Variants in ASS1 observed in about 807,000 individuals in gnomAD.
ASS1 encodes the protein argininosuccinate synthase 1.
Under a neutral mutation model 60.5 loss-of-function variants are expected in ASS1, and 58 were observed. The observed-to-expected ratio is 0.96, with a 90% confidence interval of 0.78 to 1.19. The LOEUF is 1.19. ASS1 is among the 50% of genes most tolerant of loss of function. The probability of loss-of-function intolerance (pLI) is 0.00; values close to 1 mark genes in which losing one functional copy is unlikely to be tolerated. For missense variants in ASS1, 454 were observed against 547.3 expected (o/e 0.83, Z 1.70); for synonymous variants, 200 against 206.9 (o/e 0.97, Z 0.29).
In ASS1 at chr9:130,480,341, CCT is replaced by C. The variant is rs771246442; in HGVS notation, c.774-43_774-42del. ...GCCCAGCTGGGTGGGTGACTCTGAG[CCT>C]TGCGGTAGCGCCCGAACCTAATGGA... On this transcript the variant is annotated intron_variant, in intron 10 of 14. Coordinates refer to ENST00000352480, the MANE Select transcript of ASS1 (RefSeq NM_054012.4). 113 of 1,612,090 alleles carry C rather than the reference CCT, an allele frequency of 7.0e-5. 2 individuals carry two copies. The South Asian group carries it at 1.2e-3, about 17-fold the overall frequency.
intron 13 of ASS1, among the ~76,000 whole-genome samples, chr9:130,496,471 G>A (rs1374339429): frequency 1.3e-5 from 2 of 151,320 alleles, no homozygotes; most frequent in Non-Finnish European, 2.9e-5. Flanking sequence ...TGCACCTGTA[G>A]TCCCAGCTAC....
chr9:130,500,541 C>T (rs989960253), intron 14 of ASS1, among the ~76,000 whole-genome samples: 9 of 152,108 alleles, frequency 5.9e-5, no homozygotes, highest in Non-Finnish European at 1.2e-4. Context: ...TCTCTTGTCC[C>T]TGGAGGCACC....
intron 6 of ASS1, among the ~76,000 whole-genome samples, chr9:130,469,824 G>T (rs929253048): frequency 3.9e-5 from 6 of 152,214 alleles, no homozygotes; most frequent in Admixed American, 6.5e-5. Flanking sequence ...CCTGAGTGGG[G>T]TCGATCCCAT....
At chr9:130,499,357 G>T in intron 13 of ASS1, 148 bp from the exon 14 acceptor site, 1 of 841,986 alleles carries the variant, frequency 1.2e-6, no homozygotes, top group East Asian at 2.7e-5. Context: ...GAAATTCAAT[G>T]GAAAGCCGAC....
At chr9:130,471,034 G>A (rs1845855535) in intron 7 of ASS1, 130 bp downstream of exon 7, 1 of 1,094,846 alleles carries the variant, frequency 9.1e-7, no homozygotes, top group Admixed American at 1.7e-5. Flanking sequence ...AGAGGCCTCA[G>A]GCAGGACAGA....
At chr9:130,480,543 A>C in intron 11 of ASS1, 94 bp downstream of exon 11, 15 of 1,377,416 alleles carry the variant, frequency 1.1e-5, no homozygotes, top group Non-Finnish European at 1.2e-5. Context: ...TACTACCCCC[A>C]TGCTCCGTGG....
At chr9:130,465,160 C>G (rs866294390) in intron 5 of ASS1, among the ~76,000 whole-genome samples, 1 of 151,602 alleles carries the variant, frequency 6.6e-6, no homozygotes, top group African/African-American at 2.4e-5. Context: ...GCAATTCTCC[C>G]TGACTCAGCT....
intron 12 of ASS1, among the ~76,000 whole-genome samples, chr9:130,492,393 G>A (rs1846470884): frequency 1.3e-5 from 2 of 152,122 alleles, no homozygotes. Context: ...GCACAGATAG[G>A]GAGACTGAGG....
chr9:130,469,209 T>A (rs902839547), intron 6 of ASS1, among the ~76,000 whole-genome samples: 3 of 152,224 alleles, frequency 2.0e-5, no homozygotes, highest in Admixed American at 2.0e-4. Context: ...AGTCTTGCCT[T>A]GCACAGGGTC....
chr9:130,463,083 CAG>C (rs1276928789), intron 4 of ASS1, among the ~76,000 whole-genome samples: 1 of 152,252 alleles, frequency 6.6e-6, no homozygotes, highest in African/African-American at 2.4e-5. Flanking sequence ...CCCAGCTCTG[CAG>C]AGAGGCTGAA....
chr9:130,500,672 C>A (rs934007903), intron 14 of ASS1, among the ~76,000 whole-genome samples: 1 of 152,108 alleles, frequency 6.6e-6, no homozygotes, highest in African/African-American at 2.4e-5. Flanking sequence ...TCTATAAACC[C>A]TTTTAAATGG....
At chr9:130,479,088 C>T (rs951237118) in intron 9 of ASS1, among the ~76,000 whole-genome samples, 1 of 152,144 alleles carries the variant, frequency 6.6e-6, no homozygotes, top group Non-Finnish European at 1.5e-5. Context: ...AAGTCAACCC[C>T]GAACCCACCC....
chr9:130,489,256 T>TTG lies in ASS1; in HGVS notation c.839-77_839-76insTG. The TTG allele has an allele frequency of 5.8e-6, 9 of 1,561,012 alleles. No homozygotes were observed. The highest frequency in any genetic ancestry group is 1.7e-5 in the Admixed American group (1 of 57,422). On this transcript the variant is annotated intron_variant, in intron 11 of 14. Coordinates refer to ENST00000352480, the MANE Select transcript of ASS1 (RefSeq NM_054012.4). The surrounding 1 kb of genome is among the most constrained non-coding windows in gnomAD (Gnocchi z 4.1). ...TCATTATTATTATTATTTTTTTTTT[T>TTG]GTCATTTGCTGACAGTTTGGGTTTC...
chr9:130,474,774 A>G (rs1167704279), intron 8 of ASS1, among the ~76,000 whole-genome samples: 1 of 152,232 alleles, frequency 6.6e-6, no homozygotes, highest in African/African-American at 2.4e-5. Context: ...GCAGCTGGGA[A>G]CCAGCATAAG....
chr9:130,489,607 A>G lies in ASS1; in HGVS notation c.970+143A>G. ...CTGCCATCCTCATGTGAGACCCCAAAAGGTGCAGGCCAAAGGGGGTTGAGG... is the reference window on the plus strand; with the variant it reads ...CTGCCATCCTCATGTGAGACCCCAAGAGGTGCAGGCCAAAGGGGGTTGAGG... On this transcript the variant is annotated intron_variant, in intron 12 of 14. Transcript: ENST00000352480. The surrounding 1 kb of genome is among the most constrained non-coding windows in gnomAD (Gnocchi z 4.1). The G allele has an allele frequency of 7.2e-7, 1 of 1,379,536 alleles. No homozygotes were observed. The highest frequency in any genetic ancestry group is 1.0e-6 in the Non-Finnish European group (1 of 981,110). 85.5% of individuals were successfully genotyped at this position (1,379,536 alleles called of 1,614,324 possible).
chr9:130,468,552 C>T (rs1487654309), intron 6 of ASS1, among the ~76,000 whole-genome samples: 1 of 152,208 alleles, frequency 6.6e-6, no homozygotes, highest in Non-Finnish European at 1.5e-5. Context: ...GCTGGAACTA[C>T]AAACGTGCCC....
At chr9:130,487,691 C>T (rs181577434) in intron 11 of ASS1, among the ~76,000 whole-genome samples, 1 of 152,006 alleles carries the variant, frequency 6.6e-6, no homozygotes, top group Non-Finnish European at 1.5e-5. Context: ...TGTTTTTGTG[C>T]CTGGCCTTTG....
chr9:130,461,849 G>T (rs551249337), intron 4 of ASS1, among the ~76,000 whole-genome samples: 1 of 152,302 alleles, frequency 6.6e-6, no homozygotes, highest in East Asian at 1.9e-4. Flanking sequence ...GCGCCATCAC[G>T]GGGGACGGGC....
chr9:130,500,857 T>G, intron 14 of ASS1, 119 bp from the exon 15 acceptor site: 1 of 1,083,238 alleles, frequency 9.2e-7, no homozygotes, highest in Non-Finnish European at 1.4e-6. Context: ...AAAGGCAACT[T>G]CACACACATC....
Sources: gnomAD v4.1 joint callset for allele counts (sites outside exome capture counted in the v4.1 genomes callset) on GRCh38, gnomAD v4.1.1 for gene constraint, Gnocchi (gnomAD v3.1) non-coding constraint, MANE v1.5 for transcripts, NCBI Gene and HGNC (gene_info 2026-07-23, HGNC 2026-07-21) for gene names.